Variants in DEUP1 observed in about 807,000 individuals in gnomAD.
DEUP1 encodes the protein deuterosome assembly protein 1.
In DEUP1, 82 loss-of-function variants were observed where a neutral mutation model predicts 87.4. The ratio of observed to expected loss-of-function variants is 0.94; its 90% CI spans 0.78 to 1.13. The LOEUF is 1.13. Ranked by LOEUF, DEUP1 falls within the 50% of genes most tolerant of loss-of-function variation. DEUP1 has a pLI of 0.00. For synonymous variants in DEUP1, 214 were observed against 222.7 expected (o/e 0.96, Z 0.35); for missense variants, 663 against 681.5 (o/e 0.97, Z 0.30).
chr11:93,411,559 C>T (rs1332654424), intron 12 of DEUP1, among the ~76,000 whole-genome samples: 1 of 152,088 alleles, frequency 6.6e-6, no homozygotes, highest in Non-Finnish European at 1.5e-5. Flanking sequence ...AGCTACTTAG[C>T]ACTTTCTTAA....
At chr11:93,373,450 T>G (rs1225464927) in intron 7 of DEUP1, among the ~76,000 whole-genome samples, 2 of 151,818 alleles carry the variant, frequency 1.3e-5, no homozygotes, top group Non-Finnish European at 2.9e-5. Context: ...GTAGGAGCAA[T>G]AACAAAATGA....
chr11:93,341,732 G>A (rs1478706548), intron 2 of DEUP1, among the ~76,000 whole-genome samples: 3 of 152,050 alleles, frequency 2.0e-5, no homozygotes, highest in South Asian at 2.1e-4. Context: ...TTAAAGATGC[G>A]GTATGTTAGT....
intron 13 of DEUP1, among the ~76,000 whole-genome samples, chr11:93,430,367 G>A (rs1421868863): frequency 2.0e-5 from 3 of 152,012 alleles, no homozygotes. Context: ...ATCAGATTGT[G>A]ATATATACAT....
chr11:93,357,728 CT>C (rs1327435326), intron 4 of DEUP1, among the ~76,000 whole-genome samples: 1 of 152,028 alleles, frequency 6.6e-6, no homozygotes, highest in Non-Finnish European at 1.5e-5. Flanking sequence ...TTATGACCAA[CT>C]TTTTTTGGAG....
At chr11:93,340,821 T>C (rs1944031217) in intron 2 of DEUP1, among the ~76,000 whole-genome samples, 1 of 152,204 alleles carries the variant, frequency 6.6e-6, no homozygotes, top group Non-Finnish European at 1.5e-5. Flanking sequence ...ATTTATTAAA[T>C]AAGGAAGACT....
intron 2 of DEUP1, among the ~76,000 whole-genome samples, chr11:93,348,918 T>C (rs527841209): frequency 6.6e-6 from 1 of 152,312 alleles, no homozygotes; most frequent in East Asian, 1.9e-4. Context: ...GTAATGCTTA[T>C]CAAGTCTGCA....
chr11:93,339,981 A>G (rs1381645389), intron 2 of DEUP1, among the ~76,000 whole-genome samples: 1 of 152,138 alleles, frequency 6.6e-6, no homozygotes, highest in Admixed American at 6.5e-5. Context: ...CAAAATTCAA[A>G]TAAAAACCAG....
intron 4 of DEUP1, among the ~76,000 whole-genome samples, chr11:93,359,781 A>G (rs1242163186): frequency 6.6e-6 from 1 of 152,136 alleles, no homozygotes; most frequent in Non-Finnish European, 1.5e-5. Context: ...AACAACAAAA[A>G]CTATAGCCCC....
At chr11:93,418,417 A>G (rs1412271461) in intron 13 of DEUP1, among the ~76,000 whole-genome samples, 1 of 152,206 alleles carries the variant, frequency 6.6e-6, no homozygotes, top group Non-Finnish European at 1.5e-5. Context: ...TGCAGCCAAA[A>G]AACACATGAA....
chr11:93,411,200 GAAGTGA>G (rs1947426029), intron 12 of DEUP1: 1 of 152,148 alleles, frequency 6.6e-6, no homozygotes, highest in African/African-American at 2.4e-5. Context: ...ACAGCTCAGT[GAAGTGA>G]AACAGTAAAA....
At chr11:93,397,659 G>C (rs1591222800) in intron 11 of DEUP1, among the ~76,000 whole-genome samples, 1 of 152,070 alleles carries the variant, frequency 6.6e-6, no homozygotes, top group African/African-American at 2.4e-5. Flanking sequence ...AGAAGCTAAT[G>C]ATCCACAACC....
chr11:93,404,502 T>A (rs761154425), intron 11 of DEUP1, among the ~76,000 whole-genome samples: 5 of 152,082 alleles, frequency 3.3e-5, no homozygotes, highest in Non-Finnish European at 5.9e-5. Context: ...GATTAAAACA[T>A]CCATTTACGT....
Position 93,398,733 on chromosome 11 carries a change from T to G in DEUP1, c.1326+2408T>G, listed in dbSNP as rs918867399. 7.3e-5 allele frequency among the ~76,000 whole-genome samples: 11 copies of G among 151,454 alleles called. No homozygotes were observed. In the South Asian group the frequency reaches 2.3e-3, roughly 32 times the overall value. On this transcript the variant is annotated intron_variant, in intron 11 of 13. Transcript: ENST00000298050. ...TTTTTCATGTCAAATTTTTTTTTTT[T>G]TTTTTGAGATGGAGTCTCACTCTGT...
At chr11:93,389,861 TA>T (rs1302764885) in intron 9 of DEUP1, among the ~76,000 whole-genome samples, 2 of 152,004 alleles carry the variant, frequency 1.3e-5, no homozygotes, top group African/African-American at 4.8e-5. Flanking sequence ...ATTGGCTCAG[TA>T]GTTATTTATT....
chr11:93,427,431 G>A (rs1042012257), intron 13 of DEUP1, among the ~76,000 whole-genome samples: 5 of 152,064 alleles, frequency 3.3e-5, no homozygotes, highest in Non-Finnish European at 7.4e-5. Flanking sequence ...TATGTAGAAA[G>A]CTGAAACTGC....
intron 13 of DEUP1, among the ~76,000 whole-genome samples, chr11:93,415,651 G>A (rs2608215): frequency 0.83 from 125,311 of 151,528 alleles, 51,932 homozygotes; most frequent in East Asian, 0.9. Flanking sequence ...GCTTGCTCCC[G>A]ACATAACCAC....
At position 93,437,914 on chromosome 11, in the gene DEUP1, C is replaced by T. The variant is rs1207990676; in HGVS notation, c.*195C>T. ...CTGTTCACATTTCTGCATTAACATGCTAAATTGTCCTGCTGTAGAGTTACT... is the reference window on the plus strand; with the variant it reads ...CTGTTCACATTTCTGCATTAACATGTTAAATTGTCCTGCTGTAGAGTTACT... On this transcript the variant is annotated 3_prime_UTR_variant, in exon 14 of 14. Coordinates refer to ENST00000298050, the MANE Select transcript of DEUP1 (RefSeq NM_181645.4). 6.7e-6 allele frequency: 3 copies of T among 450,392 alleles called. No individual in the cohort carries two copies. The highest frequency in any genetic ancestry group is 1.2e-5 in the Non-Finnish European group (3 of 248,992). 27.9% of individuals were successfully genotyped at this position (450,392 alleles called of 1,614,324 possible).
chr11:93,417,776 A>ATACTGACTATACCTG (rs1229568476), intron 13 of DEUP1, among the ~76,000 whole-genome samples: 122 of 151,936 alleles, frequency 8.0e-4, no homozygotes, highest in African/African-American at 2.7e-3. Context: ...CCTGACTTCA[A>ATACTGACTATACCTG]ACTATACTAC....
Position 93,364,201 on chromosome 11 carries a change from T to C in DEUP1, c.339T>C (p.His113=), listed in dbSNP as rs1945306947. 6.2e-7 allele frequency: 1 copy of C among 1,603,380 alleles called. No individual in the cohort carries two copies. The highest frequency in any genetic ancestry group is 8.5e-7 in the Non-Finnish European group (1 of 1,171,466). The change falls in exon 5 of 14, where the codon CAT becomes CAC. Residue 113 remains histidine, a synonymous_variant. Coordinates refer to ENST00000298050, the MANE Select transcript of DEUP1 (RefSeq NM_181645.4). ...LTNNFEKLRL[H]QMKQNKVPRK... ...ATAACTTTGAAAAACTGAGATTACA[T>C]CAGATGAAACAAAACAAAGTTCCAC...
Sources: allele counts gnomAD v4.1 joint callset (sites outside exome capture counted in the v4.1 genomes callset), GRCh38; gene constraint gnomAD v4.1.1; transcripts MANE v1.5; gene names NCBI Gene and HGNC (gene_info 2026-07-23, HGNC 2026-07-21).